Variants in FMN1 observed in about 807,000 individuals in gnomAD.
FMN1 encodes the protein formin 1, also known as formin-1.
FMN1 carries 110 observed loss-of-function variants against 132.4 expected under a neutral mutation model. The observed-to-expected ratio is 0.83, with a 90% CI of 0.71 to 0.97. The LOEUF is 0.97. Among genes scored for constraint, FMN1 ranks in the 50% least tolerant of loss-of-function variants. The probability of loss-of-function intolerance (pLI) is 0.00; values close to 1 mark genes in which losing one functional copy is unlikely to be tolerated. For missense variants in FMN1, 1,792 were observed against 1,705.3 expected (o/e 1.05, Z -0.90); for synonymous variants, 722 against 651.7 (o/e 1.11, Z -1.64).
chr15:33,078,807 A>G (rs373610044), intron 5 of FMN1, among the ~76,000 whole-genome samples: 3 of 152,152 alleles, frequency 2.0e-5, no homozygotes, highest in East Asian at 1.9e-4. Flanking sequence ...GGAGAGAGAG[A>G]GGAAAAAAAT....
Position 32,968,855 on chromosome 15 carries a change from G to GCTCCACCACCCCCAGGACTT in FMN1, c.2845_2846insAAGTCCTGGGGGTGGTGGAG (p.Pro949GlnfsTer41). ...AGGGGGAGGTGGGGGTGCAAGTCCT[G>GCTCCACCACCCCCAGGACTT]GGGGTGGTGGAGCAGGAGGAGGCCC... On this transcript the variant is annotated frameshift_variant, in exon 8 of 21. Coordinates refer to ENST00000616417, the MANE Select transcript of FMN1 (RefSeq NM_001277313.2). LOFTEE classifies it high-confidence loss of function. The GCTCCACCACCCCCAGGACTT allele has an allele frequency of 6.5e-7, 1 of 1,537,366 alleles. No homozygotes were observed. Among genetic ancestry groups the GCTCCACCACCCCCAGGACTT allele is most frequent in the South Asian group, 1.1e-5 (1 of 87,290 alleles).
chr15:33,104,242 CA>C (rs1373251506), intron 4 of FMN1, among the ~76,000 whole-genome samples: 1 of 152,002 alleles, frequency 6.6e-6, no homozygotes, highest in Admixed American at 6.6e-5. Flanking sequence ...TTCAAAACAA[CA>C]AAGAGCATTA....
intron 12 of FMN1, among the ~76,000 whole-genome samples, chr15:32,907,402 G>A (rs2060453294): frequency 6.6e-6 from 1 of 152,090 alleles, no homozygotes; most frequent in Admixed American, 6.5e-5. Flanking sequence ...TAGGGTTTGT[G>A]CTCCTATGAG....
At chr15:32,875,238 C>T (rs2059610846) in intron 16 of FMN1, among the ~76,000 whole-genome samples, 1 of 152,180 alleles carries the variant, frequency 6.6e-6, no homozygotes, top group East Asian at 1.9e-4. Context: ...TTAGTAAAGT[C>T]ACACAGACAG....
chr15:32,890,611 G>C (rs1010590773), intron 15 of FMN1, among the ~76,000 whole-genome samples: 1 of 152,134 alleles, frequency 6.6e-6, no homozygotes, highest in African/African-American at 2.4e-5. Flanking sequence ...TTTTTGATGA[G>C]ATTGTTCTTT....
chr15:33,053,991 C>A (rs1016765495), intron 6 of FMN1, among the ~76,000 whole-genome samples: 1 of 152,122 alleles, frequency 6.6e-6, no homozygotes, highest in Non-Finnish European at 1.5e-5. Context: ...GGTGAATGAA[C>A]TCAATCTCCA....
intron 9 of FMN1, among the ~76,000 whole-genome samples, chr15:32,948,639 T>G (rs57814724): frequency 0.02 from 3,036 of 152,138 alleles, 112 homozygotes; most frequent in East Asian, 0.14. Context: ...TCATATTATT[T>G]TCATTTATTG....
chr15:33,068,652 G>A (rs948831868), intron 5 of FMN1, among the ~76,000 whole-genome samples: 8 of 151,050 alleles, frequency 5.3e-5, no homozygotes, highest in Admixed American at 2.0e-4. Context: ...GCTTTCTTCC[G>A]CTTCCCTGCA....
At chr15:33,003,405 AACAG>A (rs1009701496) in intron 7 of FMN1, among the ~76,000 whole-genome samples, 27 of 152,118 alleles carry the variant, frequency 1.8e-4, no homozygotes, top group East Asian at 3.9e-4. Context: ...ATACACCAAT[AACAG>A]ACAGAGAGCC....
chr15:33,018,360 A>AT (rs1327109200), intron 6 of FMN1, among the ~76,000 whole-genome samples: 5 of 152,082 alleles, frequency 3.3e-5, no homozygotes, highest in Non-Finnish European at 7.4e-5. Flanking sequence ...AGACCAAGAC[A>AT]TGATTAGAGG....
intron 17 of FMN1, among the ~76,000 whole-genome samples, chr15:32,806,346 C>G (rs2057680286): frequency 6.6e-6 from 1 of 152,210 alleles, no homozygotes; most frequent in Non-Finnish European, 1.5e-5. Flanking sequence ...ATTGCCTCAT[C>G]TGTCCCATGA....
At position 33,124,468 on chromosome 15, in the gene FMN1, T is replaced by C. The variant is rs1411853421; in HGVS notation, c.1867+28580A>G. On this transcript the variant is annotated intron_variant, in intron 4 of 20. Coordinates refer to ENST00000616417, the MANE Select transcript of FMN1 (RefSeq NM_001277313.2). Reference sequence around the variant, plus strand: ...CCATTCAGCAGAGGCGGCAGCTGCATGACCTTCTTAAATTACTGCTTGGGA... The same window carrying C: ...CCATTCAGCAGAGGCGGCAGCTGCACGACCTTCTTAAATTACTGCTTGGGA... 2.0e-5 allele frequency among the ~76,000 whole-genome samples: 3 copies of C among 152,148 alleles called. No homozygotes were observed. In the East Asian group the frequency reaches 5.8e-4, roughly 29 times the overall value.
chr15:32,775,885 C>G (rs2056400841), intron 20 of FMN1, among the ~76,000 whole-genome samples: 1 of 152,136 alleles, frequency 6.6e-6, no homozygotes, highest in African/African-American at 2.4e-5. Flanking sequence ...CATCAGGGCC[C>G]AGAGAGGACA....
intron 15 of FMN1, among the ~76,000 whole-genome samples, chr15:32,898,017 T>G (rs559281874): frequency 3.3e-5 from 5 of 152,238 alleles, no homozygotes; most frequent in African/African-American, 1.2e-4. Context: ...GTAGGTATAT[T>G]GAAAATAGTT....
chr15:33,070,357 G>C (rs866311825), intron 5 of FMN1, among the ~76,000 whole-genome samples: 2 of 150,288 alleles, frequency 1.3e-5, no homozygotes, highest in African/African-American at 4.9e-5. Context: ...AATATGGCAG[G>C]GGGCAGTGGG....
At chr15:32,952,397 G>T (rs2061673400) in intron 9 of FMN1, among the ~76,000 whole-genome samples, 1 of 152,086 alleles carries the variant, frequency 6.6e-6, no homozygotes, top group African/African-American at 2.4e-5. Flanking sequence ...CTTTCAGTTG[G>T]CCTCATTTTA....
chr15:33,089,713 A>G (rs1180797174), intron 4 of FMN1, among the ~76,000 whole-genome samples: 2 of 152,256 alleles, frequency 1.3e-5, no homozygotes, highest in African/African-American at 4.8e-5. Context: ...GCTCAAAATC[A>G]TAAAATCAGT....
chr15:33,012,518 A>C, intron 6 of FMN1: 1 of 1,506,250 alleles, frequency 6.6e-7, no homozygotes, highest in South Asian at 1.1e-5. Flanking sequence ...GAAGTGATTG[A>C]AATCATGACT....
chr15:33,008,674 A>G lies in FMN1; in HGVS notation c.2162-599T>C, dbSNP rs371360547. ...CTGGTCCAATTTTAATATGAGTCTA[A>G]TAATGTTTATTTCAACAATAAGTCC... On this transcript the variant is annotated intron_variant, in intron 6 of 20. Coordinates refer to ENST00000616417, the MANE Select transcript of FMN1 (RefSeq NM_001277313.2). 2.0e-5 allele frequency among the ~76,000 whole-genome samples: 3 copies of G among 151,974 alleles called. No homozygotes were observed. The East Asian group carries it at 5.8e-4, about 29-fold the overall frequency.
Sources: gnomAD v4.1 joint callset for allele counts (sites outside exome capture counted in the v4.1 genomes callset) on GRCh38, gnomAD v4.1.1 for gene constraint, MANE v1.5 for transcripts, NCBI Gene and HGNC (gene_info 2026-07-23, HGNC 2026-07-21) for gene names.